The following GPHN variants were observed in gnomAD, a reference collection of about 807,000 sequenced individuals.
The protein encoded by GPHN is gephyrin.
GPHN carries 17 observed loss-of-function variants against 95.5 expected under a neutral mutation model. The ratio of observed to expected loss-of-function variants is 0.18; its 90% confidence interval spans 0.12 to 0.27. The LOEUF (loss-of-function observed/expected upper bound fraction) is 0.27, where lower values mean the gene tolerates loss of function less well. Among genes scored for constraint, GPHN ranks in the 10% least tolerant of loss-of-function variants. GPHN has a pLI of 1.00. For missense variants in GPHN, 660 were observed against 978.1 expected (o/e 0.67, Z 4.34); for synonymous variants, 320 against 322.5 (o/e 0.99, Z 0.08).
the GPHN span, among the ~76,000 whole-genome samples, chr14:67,207,808 C>A: frequency 6.6e-6 from 1 of 152,132 alleles, no homozygotes; most frequent in Non-Finnish European, 1.5e-5. Context: ...ATATTATGAG[C>A]CCCCAGCCCC....
chr14:66,642,700 A>G (rs572634006), intron 1 of GPHN, among the ~76,000 whole-genome samples: 1 of 152,156 alleles, frequency 6.6e-6, no homozygotes, highest in East Asian at 1.9e-4. Flanking sequence ...AAAGAAAACT[A>G]TTACTTCCAG....
At chr14:67,259,485 G>T in the GPHN span, among the ~76,000 whole-genome samples, 27 of 152,124 alleles carry the variant, frequency 1.8e-4, no homozygotes, top group Admixed American at 9.2e-4. Flanking sequence ...AGTGTTGGGC[G>T]CCTGTAATCC....
chr14:67,350,533 A>T, the GPHN span: 716 of 1,300,334 alleles, frequency 5.5e-4, no homozygotes, highest in Non-Finnish European at 7.3e-4. Context: ...TTTCTAAATT[A>T]AAAAATGCTT....
At chr14:66,949,384 C>T (rs1418975513) in intron 8 of GPHN, among the ~76,000 whole-genome samples, 1 of 152,204 alleles carries the variant, frequency 6.6e-6, no homozygotes, top group Non-Finnish European at 1.5e-5. Flanking sequence ...AGGTATGAGT[C>T]ACTGCACCCA....
chr14:67,224,557 G>A, the GPHN span: 2 of 207,432 alleles, frequency 9.6e-6, no homozygotes, highest in Non-Finnish European at 2.0e-5. Context: ...ACTGTGCCCG[G>A]CCCCATTTCT....
At chr14:66,981,091 G>A (rs1407983259) in intron 9 of GPHN, among the ~76,000 whole-genome samples, 1 of 152,086 alleles carries the variant, frequency 6.6e-6, no homozygotes, top group Non-Finnish European at 1.5e-5. Context: ...TGGCAGAGGG[G>A]TTTAGAGGAT....
chr14:67,338,814 T>C, the GPHN span: 1 of 1,496,732 alleles, frequency 6.7e-7, no homozygotes, highest in East Asian at 2.3e-5. Context: ...CAATATTAAG[T>C]AGATTTGATT....
the GPHN span, among the ~76,000 whole-genome samples, chr14:67,496,421 T>TTTTTTA: frequency 8.5e-6 from 1 of 117,430 alleles, no homozygotes; most frequent in African/African-American, 3.5e-5. Context: ...TTTTTTTTTT[T>TTTTTTA]GAGACAGGGT....
At chr14:67,217,588 A>G in the GPHN span, among the ~76,000 whole-genome samples, 1 of 151,914 alleles carries the variant, frequency 6.6e-6, no homozygotes, top group African/African-American at 2.4e-5. Context: ...TCTACCAGTG[A>G]GTTTTATAGT....
the GPHN span, among the ~76,000 whole-genome samples, chr14:67,357,656 T>C: frequency 1.2e-4 from 18 of 152,228 alleles, no homozygotes; most frequent in Admixed American, 1.2e-3. Context: ...AAAACAGATT[T>C]TATTCAGTAA....
At chr14:67,262,967 AC>A in the GPHN span, among the ~76,000 whole-genome samples, 1 of 152,180 alleles carries the variant, frequency 6.6e-6, no homozygotes, top group African/African-American at 2.4e-5. Flanking sequence ...TTTAAAAAAA[AC>A]TTTGCTAGCC....
chr14:67,677,770 G>A, the GPHN span: 5 of 152,544 alleles, frequency 3.3e-5, no homozygotes, highest in African/African-American at 1.2e-4. Context: ...GACACACAAA[G>A]ATATACACAA....
chr14:67,524,985 T>C, the GPHN span, among the ~76,000 whole-genome samples: 1 of 152,196 alleles, frequency 6.6e-6, no homozygotes, highest in African/African-American at 2.4e-5. Flanking sequence ...GACTGGCAGG[T>C]TGTGGCTTTA....
chr14:67,489,319 G>A, the GPHN span, among the ~76,000 whole-genome samples: 13 of 152,124 alleles, frequency 8.5e-5, no homozygotes, highest in East Asian at 3.9e-4. Context: ...ATGTGCCTTC[G>A]AACTGCTTCC....
intron 4 of GPHN, among the ~76,000 whole-genome samples, chr14:66,836,210 A>AACCAAAACAGCGTGGTACTGGT (rs1266077765): frequency 7.5e-6 from 1 of 133,030 alleles, no homozygotes; most frequent in African/African-American, 3.7e-5. Context: ...AGGCTACAAT[A>AACCAAAACAGCGTGGTACTGGT]ACCAAAACAG....
At chr14:67,375,811 T>G in the GPHN span, among the ~76,000 whole-genome samples, 3 of 152,200 alleles carry the variant, frequency 2.0e-5, no homozygotes, top group Non-Finnish European at 4.4e-5. Flanking sequence ...TCCTACTAAC[T>G]TTTGAGAAGC....
chr14:67,203,321 A>G, the GPHN span: 3 of 1,528,592 alleles, frequency 2.0e-6, no homozygotes, highest in Non-Finnish European at 2.7e-6. Flanking sequence ...GAGGTTAAAG[A>G]TCTCTCAGAA....
chr14:67,352,906 AG>A, the GPHN span: 2 of 1,548,260 alleles, frequency 1.3e-6, no homozygotes, highest in Non-Finnish European at 1.8e-6. Flanking sequence ...TACTATTCTA[AG>A]AAAAGTTCAT....
At chr14:67,187,735 C>G in the GPHN span, among the ~76,000 whole-genome samples, 1 of 152,168 alleles carries the variant, frequency 6.6e-6, no homozygotes, top group African/African-American at 2.4e-5. Flanking sequence ...CCCCTCAAAC[C>G]CTGTCATTTT....
Sources: allele counts gnomAD v4.1 joint callset (sites outside exome capture counted in the v4.1 genomes callset), GRCh38; gene constraint gnomAD v4.1.1; transcripts MANE v1.5; gene names NCBI Gene and HGNC (gene_info 2026-07-23, HGNC 2026-07-21).